NACC2: variants seen among roughly 807,000 people sequenced by gnomAD.
NACC2 encodes NACC family member 2, also known as nucleus accumbens-associated protein 2.
A neutral mutation model predicts 25.1 loss-of-function variants in NACC2; 8 were observed. The ratio of observed to expected loss-of-function variants is 0.32; its 90% CI spans 0.19 to 0.57. The LOEUF (loss-of-function observed/expected upper bound fraction) is 0.57. Among genes scored for constraint, NACC2 ranks in the 20% least tolerant of loss-of-function variants. The pLI, the probability that NACC2 is intolerant of heterozygous loss-of-function variation, is 0.89. For missense variants in NACC2, 644 were observed against 650.2 expected (o/e 0.99, Z 0.10); for synonymous variants, 435 against 294.7 (o/e 1.48, Z -4.88).
At chr9:136,044,092 TG>T (rs1309196479) in intron 2 of NACC2, among the ~76,000 whole-genome samples, 1 of 152,126 alleles carries the variant, frequency 6.6e-6, no homozygotes, top group Non-Finnish European at 1.5e-5. Context: ...CCCAAAGTGC[TG>T]GGATTACAGG....
rs988218444 is a variant in NACC2, at chr9:136,052,730, A to G, written c.-59-2150T>C. On this transcript the variant is annotated intron_variant, in intron 1 of 5. Coordinates refer to ENST00000277554, the MANE Select transcript of NACC2 (RefSeq NM_144653.5). ...GGGGCAGCCCCGCCTGAGAGGTCCCAGCAGAGGGCAAAGCGGCCGCCTCGC... is the reference window on the plus strand; with the variant it reads ...GGGGCAGCCCCGCCTGAGAGGTCCCGGCAGAGGGCAAAGCGGCCGCCTCGC... Among the ~76,000 whole-genome samples, 37 of 152,330 alleles carry G rather than the reference A, an allele frequency of 2.4e-4. No homozygotes were observed. In the South Asian group the frequency reaches 7.3e-3, roughly 30 times the overall value.
At chr9:136,014,927 TG>T (rs576526278) in intron 3 of NACC2, among the ~76,000 whole-genome samples, 63 of 152,200 alleles carry the variant, frequency 4.1e-4, no homozygotes, top group Non-Finnish European at 7.1e-4. Context: ...CTGGGAACAA[TG>T]GGGAGGGAAT....
At chr9:136,012,116 C>A (rs1840120482) in intron 5 of NACC2, 92 bp from the exon 6 acceptor site, 7 of 1,407,854 alleles carry the variant, frequency 5.0e-6, no homozygotes, top group Non-Finnish European at 6.5e-6. Context: ...CCTGGATGAG[C>A]CTCCCCGGCC....
chr9:136,055,844 A>G lies in NACC2; in HGVS notation c.-59-5264T>C, dbSNP rs962313638. Among the ~76,000 whole-genome samples the G allele has an allele frequency of 2.6e-5, 4 of 152,100 alleles. No individual in the cohort carries two copies. The highest frequency in any genetic ancestry group is 7.2e-5 in the African/African-American group (3 of 41,402). Reference sequence around the variant, plus strand: ...GTGGAGACTGCCTGGCAGTTAGTTAAGTGAGGACATCTCCTAAAAGGTCAA... The same window carrying G: ...GTGGAGACTGCCTGGCAGTTAGTTAGGTGAGGACATCTCCTAAAAGGTCAA... On this transcript the variant is annotated intron_variant, in intron 1 of 5. Coordinates refer to ENST00000277554, the MANE Select transcript of NACC2 (RefSeq NM_144653.5). The surrounding 1 kb of genome is among the most constrained non-coding windows in gnomAD (Gnocchi z 4.9).
chr9:136,074,735 G>T (rs1184846179), intron 1 of NACC2, among the ~76,000 whole-genome samples: 1 of 151,830 alleles, frequency 6.6e-6, no homozygotes, highest in Non-Finnish European at 1.5e-5. Context: ...TGGACCTTCC[G>T]AACGACCATC....
intron 1 of NACC2, among the ~76,000 whole-genome samples, chr9:136,078,314 T>C (rs1830284633): frequency 6.6e-6 from 1 of 152,004 alleles, no homozygotes; most frequent in African/African-American, 2.4e-5. Flanking sequence ...GCTCAGTCCC[T>C]CGGAATGCAG....
At chr9:136,012,215 C>A (rs904867337) in intron 5 of NACC2, among the ~76,000 whole-genome samples, 191 bp from the exon 6 acceptor site, 9 of 152,370 alleles carry the variant, frequency 5.9e-5, no homozygotes, top group African/African-American at 1.7e-4. Context: ...GCCTGGGAGG[C>A]CTCCCCACCC....
At chr9:136,075,187 CCACA>C (rs1830248181) in intron 1 of NACC2, among the ~76,000 whole-genome samples, 1 of 152,248 alleles carries the variant, frequency 6.6e-6, no homozygotes, top group Non-Finnish European at 1.5e-5. Flanking sequence ...GCAACGCCCC[CCACA>C]CACAGACTTG....
At chr9:136,053,311 G>C (rs1214539241) in intron 1 of NACC2, among the ~76,000 whole-genome samples, 1 of 152,234 alleles carries the variant, frequency 6.6e-6, no homozygotes, top group Non-Finnish European at 1.5e-5. Context: ...AAGAGATCCA[G>C]GTGCGGGGAA....
chr9:136,093,362 A>G (rs1830452884), intron 1 of NACC2, among the ~76,000 whole-genome samples: 1 of 152,206 alleles, frequency 6.6e-6, no homozygotes, highest in Non-Finnish European at 1.5e-5. Flanking sequence ...CCCCCTGCCC[A>G]GGGCAGAGCA....
At chr9:136,079,029 T>C (rs1830293607) in intron 1 of NACC2, among the ~76,000 whole-genome samples, 1 of 151,312 alleles carries the variant, frequency 6.6e-6, no homozygotes, top group Non-Finnish European at 1.5e-5. Flanking sequence ...AAGGTAAATA[T>C]GTTAATTTGA....
intron 2 of NACC2, among the ~76,000 whole-genome samples, chr9:136,048,973 C>G (rs1470246522): frequency 6.6e-6 from 1 of 152,260 alleles, no homozygotes; most frequent in Non-Finnish European, 1.5e-5. Context: ...CCCAGACACA[C>G]AGTCAGGTTG....
chr9:136,036,352 TA>T (rs1285093671), intron 2 of NACC2, among the ~76,000 whole-genome samples: 1 of 151,726 alleles, frequency 6.6e-6, no homozygotes, highest in African/African-American at 2.4e-5. Flanking sequence ...CAGCATCTAT[TA>T]AAAAAAACAA....
intron 2 of NACC2, among the ~76,000 whole-genome samples, chr9:136,047,447 A>G (rs1160010439): frequency 2.0e-5 from 3 of 152,238 alleles, no homozygotes; most frequent in African/African-American, 7.2e-5. Context: ...TGTGGCATCC[A>G]GAGCCAAACT....
At position 136,014,281 on chromosome 9, in the gene NACC2, G is replaced by A. The variant is rs764697999; in HGVS notation, c.1052-312C>T. ...CTCTCCCGGCCATGCTGCGGTCCCC[G>A]GCCTCAGCTCCCTCCCCAAGAACAC... On this transcript the variant is annotated intron_variant, in intron 3 of 5. Transcript: ENST00000277554. 1.3e-4 allele frequency among the ~76,000 whole-genome samples: 20 copies of A among 148,212 alleles called. No homozygotes were observed. The East Asian group carries it at 2.5e-3, about 19-fold the overall frequency.
chr9:136,073,093 C>G (rs1477292802), intron 1 of NACC2, among the ~76,000 whole-genome samples: 1 of 151,976 alleles, frequency 6.6e-6, no homozygotes, highest in Admixed American at 6.6e-5. Flanking sequence ...AAAAAACATG[C>G]CAGGAACACA....
chr9:136,012,078 C>T, intron 5 of NACC2, 54 bp from the exon 6 acceptor site: 1 of 1,464,174 alleles, frequency 6.8e-7, no homozygotes, highest in Non-Finnish European at 9.0e-7. Flanking sequence ...GAGGCCCGCC[C>T]CTCCCCAAGG....
intron 1 of NACC2, among the ~76,000 whole-genome samples, chr9:136,089,985 C>CAAA (rs11442793): frequency 9.3e-5 from 13 of 139,378 alleles, no homozygotes; most frequent in Non-Finnish European, 1.4e-4. Context: ...GATTTATATC[C>CAAA]AAAAAAAAAA....
chr9:136,083,908 C>T (rs1830351796), intron 1 of NACC2, among the ~76,000 whole-genome samples: 1 of 152,172 alleles, frequency 6.6e-6, no homozygotes, highest in Non-Finnish European at 1.5e-5. Flanking sequence ...CTGGCCCAGG[C>T]AGCTCTGGGG....
Sources: gnomAD v4.1 joint callset for allele counts (sites outside exome capture counted in the v4.1 genomes callset) on GRCh38, gnomAD v4.1.1 for gene constraint, Gnocchi (gnomAD v3.1) non-coding constraint, MANE v1.5 for transcripts, NCBI Gene and HGNC (gene_info 2026-07-23, HGNC 2026-07-21) for gene names.